LAPTM4A: variants seen among roughly 807,000 people sequenced by gnomAD.
LAPTM4A encodes lysosomal protein transmembrane 4 alpha.
Under a neutral mutation model 29.9 loss-of-function variants are expected in LAPTM4A, and 19 were observed. The ratio of observed to expected loss-of-function variants is 0.64; its 90% CI spans 0.44 to 0.93. The LOEUF (loss-of-function observed/expected upper bound fraction) is 0.93, where lower values mean the gene tolerates loss of function less well. Among genes scored for constraint, LAPTM4A ranks in the 40% least tolerant of loss-of-function variants. The pLI is 0.00. For synonymous variants in LAPTM4A, 105 were observed against 102.1 expected, an observed-to-expected ratio of 1.03 and a Z score of -0.17; for missense variants, 293 against 288.5, an observed-to-expected ratio of 1.02 and a Z score of -0.11.
chr2:20,041,337 A>G (rs890043803), intron 1 of LAPTM4A, among the ~76,000 whole-genome samples: 2 of 152,190 alleles, frequency 1.3e-5, no homozygotes, highest in African/African-American at 4.8e-5. Flanking sequence ...CCAATCTCAG[A>G]ATTTCTGGAT....
rs1385303048 is a variant in LAPTM4A at position 20,046,748 on chromosome 2, T to TTATATAAATATATATATAATATAA, written c.111+4638_111+4661dup. On this transcript the variant is annotated intron_variant, in intron 1 of 6. Transcript: ENST00000175091. ...TTATATATCTATATATAAATATATA[T>TTATATAAATATATATATAATATAA]TATATAAATATATATATAATATAAT... 4.0e-3 allele frequency among the ~76,000 whole-genome samples: 533 copies of TTATATAAATATATATATAATATAA among 132,660 alleles called. 4 individuals are homozygous for TTATATAAATATATATATAATATAA. The highest frequency in any genetic ancestry group is 6.9e-3 in the Non-Finnish European group (415 of 60,360). The allele number at this position is 132,660 out of a possible 152,430, so 87.0% of individuals were successfully genotyped here.
chr2:20,046,675 ATGTG>A (rs1332261909), intron 1 of LAPTM4A, among the ~76,000 whole-genome samples: 1 of 147,502 alleles, frequency 6.8e-6, no homozygotes, highest in Non-Finnish European at 1.5e-5. Context: ...ATATGTATGT[ATGTG>A]TGTGTGTATA....
At chr2:20,050,906 A>ACAAC (rs1470128952) in intron 1 of LAPTM4A, among the ~76,000 whole-genome samples, 1 of 152,236 alleles carries the variant, frequency 6.6e-6, no homozygotes, top group Non-Finnish European at 1.5e-5. Context: ...AGAAACGCGG[A>ACAAC]CAACCGGGTT....
intron 2 of LAPTM4A, among the ~76,000 whole-genome samples, chr2:20,038,328 T>C (rs73220358): frequency 0.15 from 23,467 of 152,224 alleles, 1,982 homozygotes; most frequent in Admixed American, 0.2. Flanking sequence ...ACTAATTTTT[T>C]CACAAAACAG....
intron 1 of LAPTM4A, among the ~76,000 whole-genome samples, chr2:20,042,533 G>A (rs1673822114): frequency 6.6e-6 from 1 of 152,180 alleles, no homozygotes; most frequent in South Asian, 2.1e-4. Flanking sequence ...TTCCATCTAA[G>A]TTACTAACAA....
At chr2:20,037,171 TAA>T in intron 4 of LAPTM4A, 143 bp downstream of exon 4, 1 of 633,682 alleles carries the variant, frequency 1.6e-6, no homozygotes. Context: ...TCACAGTAGC[TAA>T]GAGAGCAGAA....
intron 4 of LAPTM4A, among the ~76,000 whole-genome samples, chr2:20,036,235 C>G (rs188108637): frequency 1.4e-4 from 22 of 152,330 alleles, no homozygotes; most frequent in African/African-American, 2.2e-4. Context: ...CCCACCCTCC[C>G]TCTGTGTGCC....
At chr2:20,040,319 G>A (rs1673767044) in intron 2 of LAPTM4A, among the ~76,000 whole-genome samples, 2 of 152,030 alleles carry the variant, frequency 1.3e-5, no homozygotes, top group Admixed American at 1.3e-4. Flanking sequence ...TACATTTTCT[G>A]GCTAGAAATG....
chr2:20,043,664 G>T (rs1431974493), intron 1 of LAPTM4A, among the ~76,000 whole-genome samples: 1 of 152,162 alleles, frequency 6.6e-6, no homozygotes, highest in Admixed American at 6.5e-5. Flanking sequence ...TTATTTTAGG[G>T]TAGGTGATCT....
At chr2:20,039,381 G>T (rs1365678366) in intron 2 of LAPTM4A, among the ~76,000 whole-genome samples, 1 of 152,192 alleles carries the variant, frequency 6.6e-6, no homozygotes, top group Non-Finnish European at 1.5e-5. Flanking sequence ...GAAGAATTCA[G>T]GTAAAAACAA....
At chr2:20,042,678 C>T (rs957239061) in intron 1 of LAPTM4A, among the ~76,000 whole-genome samples, 80 of 152,218 alleles carry the variant, frequency 5.3e-4, no homozygotes, top group Admixed American at 5.2e-3. Context: ...TTTTCCTAGT[C>T]TCCCAGGGTT....
At chr2:20,036,405 C>T (rs1167136136) in intron 4 of LAPTM4A, among the ~76,000 whole-genome samples, 1 of 152,160 alleles carries the variant, frequency 6.6e-6, no homozygotes, top group East Asian at 1.9e-4. Flanking sequence ...GTTTAGTACC[C>T]ATGTGATATC....
intron 2 of LAPTM4A, among the ~76,000 whole-genome samples, chr2:20,038,807 G>A (rs112506858): frequency 6.6e-6 from 1 of 152,024 alleles, no homozygotes; most frequent in African/African-American, 2.4e-5. Flanking sequence ...GCAAGACCCT[G>A]TATGCACAAA....
At chr2:20,047,696 C>CAAAAAAAAAAAAAAAAAAAAAAAAAAAG (rs61601787) in intron 1 of LAPTM4A, among the ~76,000 whole-genome samples, 227 of 76,182 alleles carry the variant, frequency 3.0e-3, no homozygotes, top group African/African-American at 0.011. Context: ...GACTCCGTCT[C>CAAAAAAAAAAAAAAAAAAAAAAAAAAAG]AAAAAAAAAA....
At chr2:20,051,250 C>G (rs555721705) in intron 1 of LAPTM4A, among the ~76,000 whole-genome samples, 160 bp downstream of exon 1, 114 of 152,246 alleles carry the variant, frequency 7.5e-4, no homozygotes, top group African/African-American at 2.6e-3. Context: ...GGTTACTTTC[C>G]CAAAGTCCTT....
rs1673710403 is a variant in LAPTM4A at position 20,037,720 on chromosome 2, T to C, written c.233-106A>G. On this transcript the variant is annotated intron_variant, in intron 2 of 6. Coordinates refer to ENST00000175091, the MANE Select transcript of LAPTM4A (RefSeq NM_014713.5). ...ATATTAAATTTAAATATTTTCAAAA[T>C]TGGCTATAAAAAGATCTAAGGCCAA... 6 of 696,248 alleles carry C rather than the reference T, an allele frequency of 8.6e-6. No homozygotes were observed. In the East Asian group the frequency reaches 1.5e-4, roughly 17 times the overall value. 43.1% of individuals were successfully genotyped at this position (696,248 alleles called of 1,614,324 possible). A position where few individuals can be genotyped will look rare whatever the true frequency, so the allele number is the denominator to read the frequency against.
In LAPTM4A at chr2:20,051,440, G is replaced by A. The variant is rs773735141; in HGVS notation, c.81C>T (p.Thr27=). 15 of 1,612,426 alleles carry A rather than the reference G, an allele frequency of 9.3e-6. No individual in the cohort carries two copies. Among genetic ancestry groups the A allele is most frequent in the South Asian group, 8.8e-5 (8 of 90,936 alleles). The change falls in exon 1 of 7, where the codon ACC becomes ACT. Residue 27 remains threonine (T), a synonymous_variant. Transcript: ENST00000175091. ...ACCAGGTCCCCAGGATGATCGTCCC[G>A]GTGCGGACATGGCAACAGCCGCAGC... ...TRCCGCCHVR[T]GTIILGTWYM... is the part of the protein sequence containing the mutation.
chr2:20,037,241 G>A, intron 4 of LAPTM4A, 75 bp downstream of exon 4: 2 of 1,276,464 alleles, frequency 1.6e-6, no homozygotes, highest in Non-Finnish European at 2.2e-6. Context: ...AATACCTAAG[G>A]CTGATTCAGA....
At chr2:20,035,167 A>G (rs1673654621) in intron 4 of LAPTM4A, 105 bp from the exon 5 acceptor site, 4 of 742,540 alleles carry the variant, frequency 5.4e-6, no homozygotes, top group Non-Finnish European at 7.0e-6. Context: ...GTCAAAAGTG[A>G]TATTTAATAA....
Sources: gnomAD v4.1 joint callset for allele counts (sites outside exome capture counted in the v4.1 genomes callset) on GRCh38, gnomAD v4.1.1 for gene constraint, MANE v1.5 for transcripts, NCBI Gene and HGNC (gene_info 2026-07-23, HGNC 2026-07-21) for gene names.